The following INPP4B variants were observed in gnomAD, a reference collection of about 807,000 sequenced individuals.
INPP4B encodes inositol polyphosphate 4-phosphatase type II.
Under a neutral mutation model 122.5 loss-of-function variants are expected in INPP4B, and 55 were observed. The observed-to-expected ratio is 0.45, with a 90% CI of 0.36 to 0.56. The LOEUF is 0.56. Among genes scored for constraint, INPP4B ranks in the 20% least tolerant of loss-of-function variants. The pLI is 0.00. For missense variants in INPP4B, 1,000 were observed against 1,097.7 expected (o/e 0.91, Z 1.26); for synonymous variants, 403 against 388.7 (o/e 1.04, Z -0.43).
intron 1 of INPP4B, among the ~76,000 whole-genome samples, chr4:142,836,428 G>C (rs1337673767): frequency 1.3e-5 from 2 of 151,954 alleles, no homozygotes; most frequent in Admixed American, 6.6e-5. Context: ...GTGTGTGTGT[G>C]CGCGCGTGTG....
At chr4:142,282,617 C>T (rs747313768) in intron 9 of INPP4B, among the ~76,000 whole-genome samples, 5 of 152,144 alleles carry the variant, frequency 3.3e-5, no homozygotes, top group East Asian at 3.9e-4. Context: ...GACTGAGGTT[C>T]GCATTTTCTT....
At chr4:142,678,891 A>ATCATCTT (rs1398473916) in intron 2 of INPP4B, among the ~76,000 whole-genome samples, 1 of 151,914 alleles carries the variant, frequency 6.6e-6, no homozygotes, top group Admixed American at 6.6e-5. Context: ...ATATTCCTGA[A>ATCATCTT]TCATCTTTCC....
rs190942078 is a variant in INPP4B, at chr4:142,324,935, C to A, written c.373-10173G>T. ...CAACTGCTGAAAGCTTTTTTGATTT[C>A]TCTTTCTCCAAGCAGCAGCTCTCTG... is the stretch of plus-strand genomic sequence containing the variant. On this transcript the variant is annotated intron_variant, in intron 7 of 25. Coordinates refer to ENST00000262992, the MANE Select transcript of INPP4B (RefSeq NM_001101669.3). Among the ~76,000 whole-genome samples, 3 of 152,234 alleles carry A rather than the reference C, an allele frequency of 2.0e-5. No individual in the cohort carries two copies. The East Asian group carries it at 5.8e-4, about 29-fold the overall frequency.
At chr4:142,783,785 C>T (rs1266199460) in intron 1 of INPP4B, among the ~76,000 whole-genome samples, 1 of 152,084 alleles carries the variant, frequency 6.6e-6, no homozygotes, top group Non-Finnish European at 1.5e-5. Context: ...CCACCTCTTT[C>T]TTACCAATTA....
intron 11 of INPP4B, among the ~76,000 whole-genome samples, chr4:142,260,254 G>T (rs1459066102): frequency 6.6e-6 from 1 of 152,090 alleles, no homozygotes; most frequent in Non-Finnish European, 1.5e-5. Context: ...AAAGTGCTGG[G>T]ATTACGGACG....
chr4:142,121,069 A>G (rs1472426505), intron 21 of INPP4B, among the ~76,000 whole-genome samples: 1 of 152,108 alleles, frequency 6.6e-6, no homozygotes, highest in Non-Finnish European at 1.5e-5. Context: ...ACATTGTGAT[A>G]TAAGTGTTAG....
chr4:142,717,112 G>A, intron 2 of INPP4B, among the ~76,000 whole-genome samples: 1 of 152,152 alleles, frequency 6.6e-6, no homozygotes, highest in Non-Finnish European at 1.5e-5. Context: ...ATACCAAGTG[G>A]TTAAAATGTA....
chr4:142,695,629 A>G (rs981858441), intron 2 of INPP4B, among the ~76,000 whole-genome samples: 6 of 152,182 alleles, frequency 3.9e-5, no homozygotes, highest in Non-Finnish European at 7.3e-5. Context: ...AAGATGTTCC[A>G]TCATGTTGTT....
chr4:142,092,292 G>GTTTGGT (rs1251734386), intron 23 of INPP4B, among the ~76,000 whole-genome samples: 1 of 151,994 alleles, frequency 6.6e-6, no homozygotes, highest in African/African-American at 2.4e-5. Context: ...ATTGTTTTTT[G>GTTTGGT]TTTGCTTTTG....
intron 2 of INPP4B, among the ~76,000 whole-genome samples, chr4:142,479,535 C>T (rs1820230660): frequency 6.6e-6 from 1 of 152,080 alleles, no homozygotes; most frequent in African/African-American, 2.4e-5. Flanking sequence ...GCACTATTCA[C>T]AATAGCAAAG....
At chr4:142,087,019 A>G (rs1283808782) in intron 23 of INPP4B, among the ~76,000 whole-genome samples, 1 of 152,234 alleles carries the variant, frequency 6.6e-6, no homozygotes, top group African/African-American at 2.4e-5. Context: ...GTTGCTATAC[A>G]GCAAGTGTCC....
chr4:142,316,590 A>AT (rs1422752712), intron 7 of INPP4B, among the ~76,000 whole-genome samples: 1 of 152,136 alleles, frequency 6.6e-6, no homozygotes, highest in Non-Finnish European at 1.5e-5. Context: ...ATATACATTA[A>AT]TTTTTTAAAA....
intron 1 of INPP4B, among the ~76,000 whole-genome samples, chr4:142,789,972 AAG>A (rs1384941630): frequency 2.0e-5 from 3 of 151,930 alleles, no homozygotes; most frequent in Non-Finnish European, 4.4e-5. Flanking sequence ...CAATAACATA[AAG>A]TGGGGAAAGA....
At chr4:142,664,287 C>T (rs529327313) in intron 2 of INPP4B, among the ~76,000 whole-genome samples, 35 of 152,128 alleles carry the variant, frequency 2.3e-4, no homozygotes, top group Non-Finnish European at 5.1e-4. Context: ...ATTTACCTGG[C>T]TCACTGGCCC....
At chr4:142,356,329 A>G in intron 7 of INPP4B, among the ~76,000 whole-genome samples, 1 of 150,622 alleles carries the variant, frequency 6.6e-6, no homozygotes, top group Non-Finnish European at 1.5e-5. Context: ...TAAGAATGAG[A>G]ATGTACAGAG....
At chr4:142,074,918 T>A (rs181874624) in intron 25 of INPP4B, among the ~76,000 whole-genome samples, 26 of 152,142 alleles carry the variant, frequency 1.7e-4, no homozygotes, top group African/African-American at 5.8e-4. Context: ...ATTGTATGCA[T>A]CCTTAAGACA....
At chr4:142,256,584 C>T (rs1736223867) in intron 11 of INPP4B, among the ~76,000 whole-genome samples, 2 of 152,156 alleles carry the variant, frequency 1.3e-5, no homozygotes, top group South Asian at 4.2e-4. Flanking sequence ...CACCTCTACG[C>T]AAATAAACTA....
chr4:142,625,469 A>C (rs908677935), intron 2 of INPP4B, among the ~76,000 whole-genome samples: 30 of 152,278 alleles, frequency 2.0e-4, no homozygotes, highest in African/African-American at 3.8e-4. Flanking sequence ...ACCACTGCTC[A>C]ATGAAATAAA....
intron 2 of INPP4B, chr4:142,497,091 C>G (rs990545345): frequency 1.4e-4 from 21 of 152,058 alleles, no homozygotes; most frequent in African/African-American, 4.8e-4. Context: ...TTGTGATTTT[C>G]TGCATCACAT....
Sources: allele counts gnomAD v4.1 joint callset (sites outside exome capture counted in the v4.1 genomes callset), GRCh38; gene constraint gnomAD v4.1.1; transcripts MANE v1.5; gene names NCBI Gene and HGNC (gene_info 2026-07-23, HGNC 2026-07-21).